The following LINGO2 variants were observed in gnomAD, a reference collection of about 807,000 sequenced individuals.
LINGO2 encodes the protein leucine rich repeat and Ig domain containing 2, also known as leucine-rich repeat and immunoglobulin-like domain-containing nogo receptor-interacting protein 2.
LINGO2 carries 14 observed loss-of-function variants against 30.6 expected under a neutral mutation model. That is an observed-to-expected ratio of 0.46 (90% CI 0.30 to 0.72). The LOEUF (loss-of-function observed/expected upper bound fraction) is 0.72, where lower values mean the gene tolerates loss of function less well. LINGO2 is among the 30% of genes least tolerant of loss of function. The pLI, the probability that LINGO2 is intolerant of heterozygous loss-of-function variation, is 0.07. For missense variants in LINGO2, 729 were observed against 751.7 expected (o/e 0.97, Z 0.35); for synonymous variants, 317 against 288.5 (o/e 1.10, Z -1.00).
chr9:28,542,293 C>T (rs547515600), intron 1 of LINGO2, among the ~76,000 whole-genome samples: 1 of 151,762 alleles, frequency 6.6e-6, no homozygotes, highest in Admixed American at 6.6e-5. Context: ...CAGGCAGCTG[C>T]AAGCTATCTG....
chr9:28,187,545 T>C (rs1819585898), intron 4 of LINGO2, among the ~76,000 whole-genome samples: 1 of 151,516 alleles, frequency 6.6e-6, no homozygotes, highest in South Asian at 2.1e-4. Flanking sequence ...GTTTTGGGCT[T>C]CACTACTGGA....
intron 4 of LINGO2, among the ~76,000 whole-genome samples, chr9:28,222,319 A>G (rs918946678): frequency 2.0e-5 from 3 of 152,122 alleles, no homozygotes; most frequent in African/African-American, 7.2e-5. Flanking sequence ...AATAAATGGC[A>G]TTTTCAGGTA....
intron 4 of LINGO2, among the ~76,000 whole-genome samples, chr9:28,047,753 A>G (rs1163223072): frequency 6.6e-6 from 1 of 150,900 alleles, no homozygotes; most frequent in Non-Finnish European, 1.5e-5. Flanking sequence ...TCATTTTATT[A>G]AAAGCAATAG....
the LINGO2 span, among the ~76,000 whole-genome samples, chr9:28,750,661 T>G: frequency 1.3e-5 from 2 of 152,094 alleles, no homozygotes; most frequent in Non-Finnish European, 2.9e-5. Context: ...TCTAACTGTT[T>G]ATATACTCTT....
chr9:28,192,137 T>C (rs116885976), intron 4 of LINGO2, among the ~76,000 whole-genome samples: 44 of 152,166 alleles, frequency 2.9e-4, no homozygotes, highest in East Asian at 9.7e-4. Flanking sequence ...CATTTCAATA[T>C]AGCACCACAG....
chr9:28,281,190 T>C (rs1232433146), intron 4 of LINGO2, among the ~76,000 whole-genome samples: 1 of 152,088 alleles, frequency 6.6e-6, no homozygotes, highest in Non-Finnish European at 1.5e-5. Context: ...AAGCACACTG[T>C]AAATGTCGCT....
At chr9:28,642,652 G>A (rs1291416450) in intron 1 of LINGO2, among the ~76,000 whole-genome samples, 2 of 152,018 alleles carry the variant, frequency 1.3e-5, no homozygotes, top group Admixed American at 6.6e-5. Flanking sequence ...AATGCATTGT[G>A]GAATGGGAAA....
At chr9:28,617,510 T>C (rs1826189844) in intron 1 of LINGO2, among the ~76,000 whole-genome samples, 1 of 152,060 alleles carries the variant, frequency 6.6e-6, no homozygotes, top group African/African-American at 2.4e-5. Flanking sequence ...TTAGTCAGGA[T>C]GGTCTCGATC....
At chr9:28,479,845 C>CTGTGTGTGTGTGTGTGTGTGTGTG (rs528584169) in intron 1 of LINGO2, among the ~76,000 whole-genome samples, 1 of 60,174 alleles carries the variant, frequency 1.7e-5, no homozygotes, top group Non-Finnish European at 3.5e-5. Flanking sequence ...ACCATGTCAT[C>CTGTGTGTGTGTGTGTGTGTGTGTG]TGTGTGTGTG....
chr9:28,358,655 A>G (rs1181533208), intron 3 of LINGO2, among the ~76,000 whole-genome samples: 1 of 152,146 alleles, frequency 6.6e-6, no homozygotes, highest in African/African-American at 2.4e-5. Flanking sequence ...TCTGTGCTTC[A>G]GTTTCCTCAT....
the LINGO2 span, among the ~76,000 whole-genome samples, chr9:28,736,554 G>A: frequency 6.6e-6 from 1 of 152,142 alleles, no homozygotes; most frequent in Non-Finnish European, 1.5e-5. Flanking sequence ...ACTTTGGGAG[G>A]TCGAGGCAGG....
At chr9:28,090,166 C>G (rs1826035684) in intron 4 of LINGO2, among the ~76,000 whole-genome samples, 1 of 152,148 alleles carries the variant, frequency 6.6e-6, no homozygotes, top group Non-Finnish European at 1.5e-5. Flanking sequence ...CCTTCTGAAA[C>G]TATTCCAATC....
At chr9:28,820,860 C>T in the LINGO2 span, among the ~76,000 whole-genome samples, 1 of 152,122 alleles carries the variant, frequency 6.6e-6, no homozygotes, top group South Asian at 2.1e-4. Flanking sequence ...TCACAGTTCC[C>T]GCAGCTTTAC....
At chr9:28,701,428 A>G in the LINGO2 span, among the ~76,000 whole-genome samples, 2 of 151,704 alleles carry the variant, frequency 1.3e-5, no homozygotes, top group African/African-American at 2.4e-5. Flanking sequence ...TCTCCATTCT[A>G]TTGTCTTTGC....
the LINGO2 span, among the ~76,000 whole-genome samples, chr9:28,819,451 G>A: frequency 6.6e-6 from 1 of 151,994 alleles, no homozygotes; most frequent in Non-Finnish European, 1.5e-5. Flanking sequence ...TGGCATATTG[G>A]CATATTCTAC....
At chr9:28,465,864 C>T (rs1003663558) in intron 2 of LINGO2, among the ~76,000 whole-genome samples, 3 of 152,098 alleles carry the variant, frequency 2.0e-5, no homozygotes, top group African/African-American at 7.2e-5. Flanking sequence ...AAAAGGTACT[C>T]AACATCGCTG....
intron 4 of LINGO2, among the ~76,000 whole-genome samples, chr9:28,250,960 T>C (rs1822176275): frequency 6.8e-6 from 1 of 146,592 alleles, no homozygotes; most frequent in Non-Finnish European, 1.5e-5. Flanking sequence ...CCATCAGGTG[T>C]CAACATAGGC....
chr9:28,771,231 C>T, the LINGO2 span, among the ~76,000 whole-genome samples: 1 of 151,624 alleles, frequency 6.6e-6, no homozygotes, highest in Non-Finnish European at 1.5e-5. Context: ...CTTCATAAAT[C>T]ACAATCAATG....
chr9:28,741,701 T>C, the LINGO2 span, among the ~76,000 whole-genome samples: 1 of 151,804 alleles, frequency 6.6e-6, no homozygotes, highest in Non-Finnish European at 1.5e-5. Context: ...ATGTGGCAGC[T>C]AAGTTCTCCA....
Sources: gnomAD v4.1 joint callset for allele counts (sites outside exome capture counted in the v4.1 genomes callset) on GRCh38, gnomAD v4.1.1 for gene constraint, MANE v1.5 for transcripts, NCBI Gene and HGNC (gene_info 2026-07-23, HGNC 2026-07-21) for gene names.